Variants in ZEB2 observed in about 807,000 individuals in gnomAD.
The protein encoded by ZEB2 is zinc finger E-box binding homeobox 2.
ZEB2 carries 6 observed loss-of-function variants against 99.9 expected under a neutral mutation model. That is an observed-to-expected ratio of 0.06 (90% CI 0.03 to 0.12). The LOEUF is 0.12. Among genes scored for constraint, ZEB2 ranks in the 10% least tolerant of loss-of-function variants. The pLI, the probability that ZEB2 is intolerant of heterozygous loss-of-function variation, is 1.00. For missense variants in ZEB2, 969 were observed against 1,502.8 expected, an observed-to-expected ratio of 0.64 and a Z score of 5.87; for synonymous variants, 517 against 542.5, an observed-to-expected ratio of 0.95 and a Z score of 0.65.
chr2:144,503,709 GT>G (rs1485674604), intron 2 of ZEB2: 1 of 152,064 alleles, frequency 6.6e-6, no homozygotes, highest in African/African-American at 2.4e-5. Context: ...AATTATACAA[GT>G]TTTGCAATCA....
chr2:144,432,670 T>C (rs1703789544), intron 2 of ZEB2, among the ~76,000 whole-genome samples: 1 of 152,176 alleles, frequency 6.6e-6, no homozygotes, highest in Non-Finnish European at 1.5e-5. Context: ...ATTTTCACCA[T>C]AAAATATTCT....
At chr2:144,437,637 A>G (rs1298201888) in intron 2 of ZEB2, among the ~76,000 whole-genome samples, 1 of 152,182 alleles carries the variant, frequency 6.6e-6, no homozygotes, top group African/African-American at 2.4e-5. Context: ...TGAGCCATCA[A>G]AATTGTTTTG....
At chr2:144,483,244 C>T (rs1704545421) in intron 2 of ZEB2, among the ~76,000 whole-genome samples, 1 of 151,888 alleles carries the variant, frequency 6.6e-6, no homozygotes, top group South Asian at 2.1e-4. Flanking sequence ...TGAATCCCGG[C>T]TCTTTTTCAC....
intron 2 of ZEB2, among the ~76,000 whole-genome samples, chr2:144,440,501 ATATATATATATATATTTT>A (rs1226849848): frequency 1.3e-5 from 1 of 76,508 alleles, no homozygotes; most frequent in African/African-American, 9.4e-5. Flanking sequence ...ATATATATAT[ATATATATATATATATTTT>A]TTTTTTTTTT....
Position 144,424,856 on chromosome 2 carries a change from C to T in ZEB2, c.343G>A (p.Glu115Lys), listed in dbSNP as rs750047584. The T allele has an allele frequency of 6.2e-7, 1 of 1,613,972 alleles. No homozygotes were observed. Among genetic ancestry groups the T allele is most frequent in the South Asian group, 1.1e-5 (1 of 91,086 alleles). The change falls in exon 4 of 10, where the codon GAA (glutamate) becomes AAA (lysine). Residue 115 changes from glutamate to lysine, a missense_variant. By Grantham distance (56) the Glu-to-Lys change is moderately conservative. Transcript: ENST00000627532. ...TCTGGCCCCATAGTGTCATAGTCTTCCTTCATTTCTTCTGTGGGGGAAAAT... is the reference window on the plus strand; with the variant it reads ...TCTGGCCCCATAGTGTCATAGTCTTTCTTCATTTCTTCTGTGGGGGAAAAT... ...ASVDGPEEMK[E>K]DYDTMGPEAT...
chr2:144,466,979 G>A (rs375545486), intron 2 of ZEB2, among the ~76,000 whole-genome samples: 5 of 152,068 alleles, frequency 3.3e-5, no homozygotes, highest in South Asian at 2.1e-4. Flanking sequence ...TTTTCCTGCC[G>A]CGCAACAATT....
At chr2:144,497,991 T>C (rs1704800665) in intron 2 of ZEB2, among the ~76,000 whole-genome samples, 1 of 2,070 alleles carries the variant, frequency 4.8e-4, no homozygotes, top group Non-Finnish European at 9.6e-4. Flanking sequence ...AATATATTAA[T>C]ATTATATATT....
chr2:144,425,905 T>A (rs1254877680), intron 3 of ZEB2, among the ~76,000 whole-genome samples: 1 of 152,200 alleles, frequency 6.6e-6, no homozygotes, highest in Non-Finnish European at 1.5e-5. Flanking sequence ...CTCTACGAAT[T>A]TCCAAATCTG....
At position 144,399,666 on chromosome 2, in the gene ZEB2, A is replaced by G. The variant is rs2149877216; in HGVS notation, c.1521T>C (p.Asn507=). Reference sequence around the variant, plus strand: ...CTACCGGAAGACCGACAGGCGGAATATTAGGAGAAGTAACTCCTTGTTCCT... The same window carrying G: ...CTACCGGAAGACCGACAGGCGGAATGTTAGGAGAAGTAACTCCTTGTTCCT... ...QPEEQGVTSP[N]IPPVGLPVVS... is the part of the protein sequence containing the mutation. Residue 507 remains asparagine, a synonymous_variant, in exon 8 of 10, where the codon AAT becomes AAC. Transcript: ENST00000627532. This position sits in a 1 kb window ranked among gnomAD's most constrained non-coding sequence, Gnocchi z 5.6. 6.2e-7 allele frequency: 1 copy of G among 1,614,230 alleles called. No individual in the cohort carries two copies. Among genetic ancestry groups the G allele is most frequent in the East Asian group, 2.2e-5 (1 of 44,890 alleles).
At position 144,419,804 on chromosome 2, in the gene ZEB2, C is replaced by A. The variant is rs894987229; in HGVS notation, c.403+4992G>T. Among the ~76,000 whole-genome samples, 3 of 151,896 alleles carry A rather than the reference C, an allele frequency of 2.0e-5. No individual in the cohort carries two copies. The East Asian group carries it at 5.8e-4, about 29-fold the overall frequency. On this transcript the variant is annotated intron_variant, in intron 4 of 9. Transcript: ENST00000627532. ...TTCCTTTTTTAAAAAAAAATAAAAACTGGTGAACTTATGCAATGTGGAAAG... is the reference window on the plus strand; with the variant it reads ...TTCCTTTTTTAAAAAAAAATAAAAAATGGTGAACTTATGCAATGTGGAAAG...
chr2:144,473,547 A>G (rs1420094175), intron 2 of ZEB2, among the ~76,000 whole-genome samples: 1 of 152,108 alleles, frequency 6.6e-6, no homozygotes, highest in East Asian at 1.9e-4. Flanking sequence ...GCAGGCATGT[A>G]CAATAGAGGT....
intron 2 of ZEB2, among the ~76,000 whole-genome samples, chr2:144,434,266 G>A (rs138874186): frequency 7.2e-5 from 11 of 152,218 alleles, no homozygotes; most frequent in African/African-American, 2.4e-4. Flanking sequence ...CCAATAAATC[G>A]TTCAATGCCA....
At chr2:144,416,600 T>C (rs1442871516) in intron 4 of ZEB2, among the ~76,000 whole-genome samples, 1 of 152,226 alleles carries the variant, frequency 6.6e-6, no homozygotes, top group Non-Finnish European at 1.5e-5. Context: ...TCTCCTATCA[T>C]CATTCTGTCT....
chr2:144,518,048 T>C, intron 1 of ZEB2: 1 of 213,198 alleles, frequency 4.7e-6, no homozygotes, highest in East Asian at 1.1e-4. Flanking sequence ...CAATGATAAA[T>C]ATAATTATAA....
In ZEB2 at chr2:144,398,763, A is replaced by G. The variant is rs573009028; in HGVS notation, c.2424T>C (p.Ser808=). 1.9e-6 allele frequency: 3 copies of G among 1,614,166 alleles called. No homozygotes were observed. In the South Asian group the frequency reaches 3.3e-5, roughly 18 times the overall value. ...SSSYTPNSFS[S]EELQAEPLDL... is the part of the protein sequence containing the mutation. ...CTAAAGGCTCAGCCTGGAGCTCCTC[A>G]GAAGAGAAGCTGTTTGGAGTGTATG... The change falls in exon 8 of 10, where the codon TCT becomes TCC. Residue 808 remains serine, a synonymous_variant. Coordinates refer to ENST00000627532, the MANE Select transcript of ZEB2 (RefSeq NM_014795.4).
At position 144,513,671 on chromosome 2, in the gene ZEB2, C is replaced by T. The variant is rs1050944913; in HGVS notation, c.73+3607G>A. 18 of 1,534,962 alleles carry T rather than the reference C, an allele frequency of 1.2e-5. No individual in the cohort carries two copies. In the African/African-American group the frequency reaches 2.2e-4, roughly 19 times the overall value. ...GTGGGAGGCAGGAGGGAAGCAGGAG[C>T]ATCCCAGGACCCGCTGCCCGAATCA... On this transcript the variant is annotated intron_variant, in intron 2 of 9. Transcript: ENST00000627532.
At position 144,474,759 on chromosome 2, in the gene ZEB2, T is replaced by TA. The variant is rs143450043; in HGVS notation, c.73+42518dup. Among the ~76,000 whole-genome samples, 399 of 152,342 alleles carry TA rather than the reference T, an allele frequency of 2.6e-3. 4 individuals carry two copies. Among genetic ancestry groups the TA allele is most frequent in the African/African-American group, 7.6e-3 (314 of 41,582 alleles). On this transcript the variant is annotated intron_variant, in intron 2 of 9. Coordinates refer to ENST00000627532, the MANE Select transcript of ZEB2 (RefSeq NM_014795.4). ...TCCATAACCATGACCATTCATTCAT[T>TA]ACCCTCGTTATTATTTGATGTTTAA... is the stretch of plus-strand genomic sequence containing the variant.
In ZEB2 at chr2:144,404,937, T is replaced by C; in HGVS notation, c.491A>G (p.Glu164Gly). 6.2e-7 allele frequency: 1 copy of C among 1,614,254 alleles called. No homozygotes were observed. Among genetic ancestry groups the C allele is most frequent in the Non-Finnish European group, 8.5e-7 (1 of 1,180,040 alleles). ...EERDGHAVSI[E>G]EYLQRSDTAI... is the part of the protein sequence containing the mutation. ...TGTGTCACTGCGCTGAAGGTACTCC[T>C]CGATGCTGACTGCATGACCATCGCG... The change falls in exon 5 of 10, where the codon GAG becomes GGG. Residue 164 changes from glutamate to glycine, a missense_variant. This residue lies in a region of ZEB2 where 173 missense variants were observed against 217.7 expected (regional missense o/e 0.79). Coordinates refer to ENST00000627532, the MANE Select transcript of ZEB2 (RefSeq NM_014795.4).
intron 2 of ZEB2, chr2:144,449,570 A>G (rs890053182): frequency 2.0e-5 from 3 of 152,096 alleles, no homozygotes; most frequent in Non-Finnish European, 4.4e-5. Flanking sequence ...GCTGAGTAAG[A>G]CCCCGTCAGA....
Sources: allele counts gnomAD v4.1 joint callset (sites outside exome capture counted in the v4.1 genomes callset), GRCh38; gene constraint gnomAD v4.1.1; regional missense constraint gnomAD v4.1.1; non-coding constraint Gnocchi (gnomAD v3.1); transcripts MANE v1.5; gene names NCBI Gene and HGNC (gene_info 2026-07-23, HGNC 2026-07-21).